Variants in ABCA13 observed in about 807,000 individuals in gnomAD.
ABCA13 encodes ATP binding cassette subfamily A member 13, also known as ATP-binding cassette sub-family A member 13.
A neutral mutation model predicts 478.7 loss-of-function variants in ABCA13; 476 were observed. That is an observed-to-expected ratio of 0.99 (90% CI 0.92 to 1.07). The LOEUF (loss-of-function observed/expected upper bound fraction) is 1.07, where lower values mean the gene tolerates loss of function less well. Ranked by LOEUF, ABCA13 falls within the 50% of genes least tolerant of loss-of-function variation. ABCA13 has a pLI of 0.00. For missense variants in ABCA13, 6,060 were observed against 5,910.6 expected, an observed-to-expected ratio of 1.03 and a Z score of -0.83; for synonymous variants, 2,252 against 2,158.9, an observed-to-expected ratio of 1.04 and a Z score of -1.20.
At chr7:48,367,143 G>A (rs1297122208) in intron 31 of ABCA13, among the ~76,000 whole-genome samples, 2 of 152,150 alleles carry the variant, frequency 1.3e-5, no homozygotes, top group African/African-American at 4.8e-5. Flanking sequence ...CAAGATGTGG[G>A]TGCAAAGCTG....
intron 42 of ABCA13, among the ~76,000 whole-genome samples, chr7:48,451,205 A>G (rs28687524): frequency 0.3 from 45,205 of 151,714 alleles, 6,812 homozygotes; most frequent in East Asian, 0.38. Context: ...ACCATGTTGG[A>G]CACGCTGGTC....
chr7:48,579,742 G>A (rs1482486504), intron 55 of ABCA13, among the ~76,000 whole-genome samples: 1 of 152,166 alleles, frequency 6.6e-6, no homozygotes, highest in Non-Finnish European at 1.5e-5. Context: ...AAGGGATTTG[G>A]GGATTCTGGG....
At chr7:48,462,726 C>T (rs1253517163) in intron 43 of ABCA13, among the ~76,000 whole-genome samples, 3 of 152,114 alleles carry the variant, frequency 2.0e-5, no homozygotes, top group African/African-American at 4.8e-5. Flanking sequence ...CCAGGCTGGT[C>T]GCGAACTCCT....
In ABCA13 at chr7:48,279,693, C is replaced by A; in HGVS notation, c.8499C>A (p.Asn2833Lys). The A allele has an allele frequency of 1.9e-6, 3 of 1,613,532 alleles. No individual in the cohort carries two copies. The highest frequency in any genetic ancestry group is 2.5e-6 in the Non-Finnish European group (3 of 1,179,748). Residue 2833 changes from asparagine (N) to lysine (K), a missense_variant, in exon 18 of 62, where the codon AAC becomes AAA. Physicochemically the swap from Asn to Lys is moderately conservative, Grantham distance 94. Coordinates refer to ENST00000435803, the MANE Select transcript of ABCA13 (RefSeq NM_152701.5). ...TCTGGAGGAAAGGACTTCTGTTTAA[C>A]AACTCTGAATGGATAACTTCCACAA... Reference protein sequence around the residue: ...IALWRKGLLFNNSEWITSTRT... With the variant: ...IALWRKGLLFKNSEWITSTRT...
In ABCA13 at chr7:48,275,093, A is replaced by C; in HGVS notation, c.5427A>C (p.Pro1809=). Residue 1809 remains proline (P), a synonymous_variant, in exon 17 of 62, where the codon CCA becomes CCC. Coordinates refer to ENST00000435803, the MANE Select transcript of ABCA13 (RefSeq NM_152701.5). The stretch of plus-strand genomic sequence containing the variant: ...CAATTGAATTAGTATCAGATAAGCC[A>C]GATATTATTTCAGAGGCTTTAGCTT... ...LDTIELVSDK[P]DIISEALACF... The C allele has an allele frequency of 6.2e-7, 1 of 1,613,368 alleles. No homozygotes were observed.
At position 48,362,017 on chromosome 7, in the gene ABCA13, T is replaced by A. The variant is rs558929158; in HGVS notation, c.10689-5777T>A. 1.4e-4 allele frequency among the ~76,000 whole-genome samples: 21 copies of A among 152,186 alleles called. No homozygotes were observed. In the South Asian group the frequency reaches 4.4e-3, roughly 32 times the overall value. On this transcript the variant is annotated intron_variant, in intron 31 of 61. Transcript: ENST00000435803. ...CTTAATTTCTGAATTGCAGTCAAAATATGATTCTTATTATTTCTGTTTTGG... is the reference window on the plus strand; with the variant it reads ...CTTAATTTCTGAATTGCAGTCAAAAAATGATTCTTATTATTTCTGTTTTGG...
At chr7:48,296,538 C>A (rs1447222328) in intron 21 of ABCA13, among the ~76,000 whole-genome samples, 3 of 151,368 alleles carry the variant, frequency 2.0e-5, no homozygotes, top group African/African-American at 7.3e-5. Flanking sequence ...CGGCTCACTG[C>A]AAGCTCCACC....
intron 57 of ABCA13, among the ~76,000 whole-genome samples, chr7:48,592,581 T>G (rs998899156): frequency 1.3e-5 from 2 of 151,954 alleles, no homozygotes; most frequent in Non-Finnish European, 2.9e-5. Flanking sequence ...TGTGTATGGC[T>G]GTTAGGTCCA....
In ABCA13 at chr7:48,275,332, T is replaced by A. The variant is rs17132197; in HGVS notation, c.5666T>A (p.Ile1889Lys). 14,784 of 1,613,972 alleles carry A rather than the reference T, an allele frequency of 9.2e-3. 126 individuals carry two copies. Among genetic ancestry groups the A allele is most frequent in the Middle Eastern group, 0.056 (342 of 6,062 alleles). Residue 1889 changes from isoleucine to lysine, a missense_variant, in exon 17 of 62, where the codon ATA (isoleucine) becomes AAA (lysine). Transcript: ENST00000435803. ...RMEITRKVVC[I>K]IHELVDWNSI... ...GAAATAACTAGGAAAGTGGTCTGCA[T>A]AATTCATGAATTAGTGGACTGGAAT... is the stretch of plus-strand genomic sequence containing the variant.
At chr7:48,208,363 C>T (rs562620346) in intron 3 of ABCA13, among the ~76,000 whole-genome samples, 3 of 151,926 alleles carry the variant, frequency 2.0e-5, no homozygotes, top group Admixed American at 6.6e-5. Context: ...ATTTTCATAG[C>T]GATTGCATTG....
In ABCA13 at chr7:48,489,835, G is replaced by C. The variant is rs148727084; in HGVS notation, c.13291+491G>C. On this transcript the variant is annotated intron_variant, in intron 48 of 61. Coordinates refer to ENST00000435803, the MANE Select transcript of ABCA13 (RefSeq NM_152701.5). ...TTTCTTATTTTGGTAAATGGCACAG[G>C]TCCATTTCTGGTATCCAGAGTTAAC... 1.6e-3 allele frequency among the ~76,000 whole-genome samples: 251 copies of C among 152,194 alleles called. 1 individual carries two copies. Among genetic ancestry groups the C allele is most frequent in the African/African-American group, 5.9e-3 (245 of 41,526 alleles).
At position 48,273,012 on chromosome 7, in the gene ABCA13, G is replaced by T; in HGVS notation, c.3346G>T (p.Glu1116Ter). The T allele has an allele frequency of 6.2e-7, 1 of 1,613,612 alleles. No individual in the cohort carries two copies. Among genetic ancestry groups the T allele is most frequent in the South Asian group, 1.1e-5 (1 of 91,068 alleles). The part of the protein sequence containing the change: ...HISSVNYSTS[E>*]ESSFVFPLAQ... ...TTCTTCCGTAAATTATTCAACAAGT[G>T]AGGAGTCTTCATTTGTTTTTCCATT... The change falls in exon 17 of 62, where the codon GAG becomes TAG. Residue 1116 changes from glutamate (E) to a stop codon, truncating the protein, a stop_gained. Transcript: ENST00000435803. LOFTEE classifies it high-confidence loss of function.
chr7:48,184,452 A>AT (rs1796097913), intron 1 of ABCA13, among the ~76,000 whole-genome samples: 2 of 152,044 alleles, frequency 1.3e-5, no homozygotes, highest in Non-Finnish European at 2.9e-5. Context: ...GTTGTTTATG[A>AT]CTTTCGTGTC....
At chr7:48,350,876 T>C in intron 30 of ABCA13, 57 bp downstream of exon 30, 1 of 1,542,104 alleles carries the variant, frequency 6.5e-7, no homozygotes, top group Non-Finnish European at 8.8e-7. Flanking sequence ...TAAGTTGTCA[T>C]TTTGGGAGTT....
rs528567381 is a variant in ABCA13 at position 48,296,423 on chromosome 7, A to G, written c.9119+560A>G. The stretch of plus-strand genomic sequence containing the variant: ...TCATAAATTAAATAAATAAATGAAT[A>G]AATTTCTGTTTGAACAGCAAATATT... On this transcript the variant is annotated intron_variant, in intron 21 of 61. Coordinates refer to ENST00000435803, the MANE Select transcript of ABCA13 (RefSeq NM_152701.5). 7.9e-5 allele frequency among the ~76,000 whole-genome samples: 12 copies of G among 152,030 alleles called. No homozygotes were observed. The East Asian group carries it at 1.9e-3, about 25-fold the overall frequency.
At chr7:48,628,091 T>C (rs1793831497) in intron 59 of ABCA13, among the ~76,000 whole-genome samples, 1 of 151,896 alleles carries the variant, frequency 6.6e-6, no homozygotes, top group South Asian at 2.1e-4. Context: ...CTATGCTTTC[T>C]CTTTCCCCCG....
intron 20 of ABCA13, among the ~76,000 whole-genome samples, chr7:48,290,577 A>G (rs776917052): frequency 6.6e-6 from 1 of 152,226 alleles, no homozygotes; most frequent in Non-Finnish European, 1.5e-5. Flanking sequence ...TTTCTACTTT[A>G]TAATCCCCTC....
chr7:48,234,240 C>T (rs1584351892), intron 8 of ABCA13, 89 bp downstream of exon 8: 1 of 1,588,262 alleles, frequency 6.3e-7, no homozygotes, highest in Non-Finnish European at 8.6e-7. Flanking sequence ...GAGCGGGTGC[C>T]ACGGGAGAGG....
chr7:48,584,798 T>G (rs1789016556), intron 56 of ABCA13, among the ~76,000 whole-genome samples: 1 of 152,216 alleles, frequency 6.6e-6, no homozygotes, highest in African/African-American at 2.4e-5. Context: ...CATAGGAACT[T>G]TTATTTCTAC....
Sources: gnomAD v4.1 joint callset for allele counts (sites outside exome capture counted in the v4.1 genomes callset) on GRCh38, gnomAD v4.1.1 for gene constraint, MANE v1.5 for transcripts, NCBI Gene and HGNC (gene_info 2026-07-23, HGNC 2026-07-21) for gene names.